Variants in CREM observed in about 807,000 individuals in gnomAD.
CREM encodes the protein cAMP-responsive element modulator.
CREM carries 13 observed loss-of-function variants against 37.3 expected under a neutral mutation model. That is an observed-to-expected ratio of 0.35 (90% CI 0.23 to 0.55). CREM has a LOEUF of 0.55. CREM is among the 20% of genes least tolerant of loss of function. The pLI, the probability that CREM is intolerant of heterozygous loss-of-function variation, is 0.88. For synonymous variants in CREM, 124 were observed against 120.2 expected, an observed-to-expected ratio of 1.03 and a Z score of -0.21; for missense variants, 296 against 362.3, an observed-to-expected ratio of 0.82 and a Z score of 1.49.
At chr10:35,179,627 T>G (rs1446406017) in intron 5 of CREM, 4 of 212,244 alleles carry the variant, frequency 1.9e-5, no homozygotes, top group Non-Finnish European at 2.8e-5. Flanking sequence ...CTTGTTGGCT[T>G]TTGTTACCCA....
At chr10:35,132,913 T>C (rs1466802028) in intron 1 of CREM, among the ~76,000 whole-genome samples, 1 of 152,244 alleles carries the variant, frequency 6.6e-6, no homozygotes. Context: ...ACTTTATTGC[T>C]CTTGCTACTT....
chr10:35,132,159 C>T (rs561295610), intron 1 of CREM, among the ~76,000 whole-genome samples: 1 of 145,668 alleles, frequency 6.9e-6, no homozygotes, highest in East Asian at 2.1e-4. Context: ...CGAGATCGTG[C>T]TACTGCACTC....
rs117363619 is a variant in CREM, at chr10:35,191,688, C to T, written c.598+3300C>T. 3.9e-5 allele frequency among the ~76,000 whole-genome samples: 6 copies of T among 152,292 alleles called. No individual in the cohort carries two copies. In the East Asian group the frequency reaches 1.2e-3, roughly 29 times the overall value. On this transcript the variant is annotated intron_variant, in intron 6 of 7. Transcript: ENST00000685392. ...GACTGTGTCCTCCTTGCTCTTCTCT[C>T]TCTGCTGCTTCTCTGTCAGTCCTGT...
intron 3 of CREM, among the ~76,000 whole-genome samples, chr10:35,163,128 C>T (rs1434064435): frequency 6.6e-6 from 1 of 151,974 alleles, no homozygotes; most frequent in African/African-American, 2.4e-5. Flanking sequence ...ATCTCTTGAG[C>T]CCTGGAGGTT....
intron 3 of CREM, chr10:35,176,139 C>T: frequency 2.4e-6 from 3 of 1,274,420 alleles, no homozygotes; most frequent in South Asian, 1.6e-5. Context: ...AATCTCTTCT[C>T]CTTGCGTAAG....
intron 3 of CREM, among the ~76,000 whole-genome samples, chr10:35,174,023 C>G (rs1427164486): frequency 6.6e-6 from 1 of 152,186 alleles, no homozygotes; most frequent in East Asian, 1.9e-4. Flanking sequence ...TTAAAACTTG[C>G]AGTTGTTAAA....
chr10:35,143,796 A>G (rs2091750349), intron 2 of CREM, among the ~76,000 whole-genome samples: 1 of 152,130 alleles, frequency 6.6e-6, no homozygotes, highest in Admixed American at 6.5e-5. Flanking sequence ...ACAGTGGGGA[A>G]CAAAGCAGAT....
intron 6 of CREM, chr10:35,195,194 C>G (rs745858944): frequency 6.2e-7 from 1 of 1,613,834 alleles, no homozygotes; most frequent in Non-Finnish European, 8.5e-7. Context: ...CCCATTATGG[C>G]TGTAACTGGA....
intron 6 of CREM, chr10:35,196,065 G>C: frequency 6.2e-7 from 1 of 1,614,148 alleles, no homozygotes; most frequent in East Asian, 2.2e-5. Context: ...TGTAATGCAT[G>C]AACAGAACTC....
chr10:35,188,130 T>G (rs1444931835), intron 5 of CREM, 70 bp from the exon 6 acceptor site: 22 of 1,419,928 alleles, frequency 1.5e-5, no homozygotes, highest in Non-Finnish European at 2.1e-5. Context: ...CCAGAGTATA[T>G]TCTTCCAATA....
At chr10:35,166,085 TA>T (rs747572942) in intron 3 of CREM, among the ~76,000 whole-genome samples, 5 of 151,590 alleles carry the variant, frequency 3.3e-5, no homozygotes, top group South Asian at 2.1e-4. Flanking sequence ...GCGCTATACA[TA>T]AAAAAAAGGA....
At chr10:35,149,321 C>T (rs1041553110) in intron 3 of CREM, among the ~76,000 whole-genome samples, 1 of 152,112 alleles carries the variant, frequency 6.6e-6, no homozygotes, top group African/African-American at 2.4e-5. Flanking sequence ...GGCACAGAGC[C>T]AGAGCATGGG....
rs202066044 is a variant in CREM at position 35,176,671 on chromosome 10, A to C, written c.169-2218A>C. Among the ~76,000 whole-genome samples, 31 of 151,998 alleles carry C rather than the reference A, an allele frequency of 2.0e-4. No individual in the cohort carries two copies. The East Asian group carries it at 5.8e-3, about 28-fold the overall frequency. On this transcript the variant is annotated intron_variant, in intron 3 of 7. Transcript: ENST00000685392. Reference sequence around the variant, plus strand: ...TGATCCGCCTGTCTCGGCTTCCCAAAGTGCTGGGATTACAGGCGTGAGCCA... The same window carrying C: ...TGATCCGCCTGTCTCGGCTTCCCAACGTGCTGGGATTACAGGCGTGAGCCA...
intron 6 of CREM, among the ~76,000 whole-genome samples, chr10:35,202,453 G>T (rs914259849): frequency 6.6e-6 from 1 of 152,112 alleles, no homozygotes; most frequent in African/African-American, 2.4e-5. Context: ...ACAAGGTCTT[G>T]CTATGTTGCC....
intron 7 of CREM, among the ~76,000 whole-genome samples, chr10:35,208,302 C>T (rs2095583792): frequency 6.6e-6 from 1 of 152,184 alleles, no homozygotes; most frequent in Non-Finnish European, 1.5e-5. Flanking sequence ...CATTTTCTCT[C>T]ACTTTTTCTT....
chr10:35,180,341 A>G (rs2094301158), intron 5 of CREM, among the ~76,000 whole-genome samples: 2 of 152,234 alleles, frequency 1.3e-5, no homozygotes, highest in African/African-American at 4.8e-5. Flanking sequence ...TACCAAGAAA[A>G]AAAAACTCAA....
intron 5 of CREM, among the ~76,000 whole-genome samples, chr10:35,187,153 A>ATATAT (rs1564922371): frequency 1.3e-4 from 7 of 54,366 alleles, no homozygotes; most frequent in African/African-American, 5.0e-4. Context: ...TATAATATAT[A>ATATAT]TAATATATAT....
intron 3 of CREM, among the ~76,000 whole-genome samples, chr10:35,156,157 T>A (rs572715529): frequency 6.6e-6 from 1 of 151,886 alleles, no homozygotes; most frequent in African/African-American, 2.4e-5. Context: ...GCCAGGATGG[T>A]CTCAATCTCC....
intron 1 of CREM, among the ~76,000 whole-genome samples, chr10:35,132,588 G>A (rs1460433563): frequency 1.1e-4 from 16 of 152,252 alleles, no homozygotes; most frequent in Admixed American, 9.8e-4. Context: ...ATTTATTTAC[G>A]AGTATCCCTC....
Sources: gnomAD v4.1 joint callset for allele counts (sites outside exome capture counted in the v4.1 genomes callset) on GRCh38, gnomAD v4.1.1 for gene constraint, MANE v1.5 for transcripts, NCBI Gene and HGNC (gene_info 2026-07-23, HGNC 2026-07-21) for gene names.